TLN2: variants seen among roughly 807,000 people sequenced by gnomAD.
The protein encoded by TLN2 is talin 2, also known as talin-2.
Under a neutral mutation model 294.7 loss-of-function variants are expected in TLN2, and 118 were observed. The ratio of observed to expected loss-of-function variants is 0.40; its 90% CI spans 0.34 to 0.47. The LOEUF is 0.47. Ranked by LOEUF, TLN2 falls within the 20% of genes least tolerant of loss-of-function variation. TLN2 has a pLI of 0.84. For synonymous variants in TLN2, 1,431 were observed against 1,304.5 expected (o/e 1.10, Z -2.09); for missense variants, 3,083 against 3,282.2 (o/e 0.94, Z 1.48).
At chr15:62,838,832 A>C in intron 57 of TLN2, 24 bp from the exon 58 acceptor site, 1 of 1,606,458 alleles carries the variant, frequency 6.2e-7, no homozygotes, top group Non-Finnish European at 8.5e-7. Context: ...TAATGATATA[A>C]TGTATGTTTT....
chr15:62,553,327 T>C (rs1012743783), intron 1 of TLN2, among the ~76,000 whole-genome samples: 6 of 152,114 alleles, frequency 3.9e-5, no homozygotes, highest in Non-Finnish European at 8.8e-5. Flanking sequence ...ACACCATCTC[T>C]ACTAAAAATT....
chr15:62,695,941 GC>G (rs912538696), intron 14 of TLN2, among the ~76,000 whole-genome samples: 1 of 152,168 alleles, frequency 6.6e-6, no homozygotes, highest in African/African-American at 2.4e-5. Context: ...GATCACTGTA[GC>G]CTCCTCCACT....
chr15:62,506,134 C>CT (rs528597371), intron 1 of TLN2, among the ~76,000 whole-genome samples: 185 of 152,290 alleles, frequency 1.2e-3, no homozygotes, highest in Non-Finnish European at 2.0e-3. Context: ...TCTCTCATGT[C>CT]TTTCTTTAAA....
intron 1 of TLN2, among the ~76,000 whole-genome samples, chr15:62,511,616 G>A (rs1053858209): frequency 1.4e-5 from 2 of 142,320 alleles, no homozygotes; most frequent in South Asian, 5.2e-4. Flanking sequence ...AGCGTGAGAA[G>A]CGGAGTCCTT....
intron 11 of TLN2, among the ~76,000 whole-genome samples, chr15:62,678,481 G>A (rs1254867953): frequency 6.6e-6 from 1 of 152,176 alleles, no homozygotes; most frequent in East Asian, 1.9e-4. Context: ...CCATGATAGA[G>A]GTTCATGAGT....
At chr15:62,487,758 C>T (rs577384936) in intron 1 of TLN2, among the ~76,000 whole-genome samples, 1 of 152,086 alleles carries the variant, frequency 6.6e-6, no homozygotes, top group Non-Finnish European at 1.5e-5. Context: ...AAAAAATTAG[C>T]CGGGCATGGT....
intron 1 of TLN2, among the ~76,000 whole-genome samples, chr15:62,588,873 A>C (rs2045869587): frequency 6.6e-6 from 1 of 150,892 alleles, no homozygotes; most frequent in Non-Finnish European, 1.5e-5. Flanking sequence ...ATAAAATAAC[A>C]AACTAGCAAA....
intron 1 of TLN2, among the ~76,000 whole-genome samples, chr15:62,526,191 G>A (rs1479460066): frequency 2.6e-5 from 4 of 152,088 alleles, no homozygotes; most frequent in East Asian, 3.9e-4. Flanking sequence ...GTGAAGTGGC[G>A]CAATCTCGGC....
intron 35 of TLN2, 62 bp from the exon 36 acceptor site, chr15:62,753,711 T>C (rs2062064816): frequency 6.5e-7 from 1 of 1,535,064 alleles, no homozygotes; most frequent in African/African-American, 1.4e-5. Context: ...CGGACCATCA[T>C]CCCCAGCAGG....
chr15:62,428,632 A>G (rs889534510), intron 1 of TLN2, among the ~76,000 whole-genome samples: 18 of 152,160 alleles, frequency 1.2e-4, no homozygotes, highest in African/African-American at 4.3e-4. Context: ...ATTCTTTCCC[A>G]CAACTGAATG....
chr15:62,447,802 A>T (rs2140315243), intron 1 of TLN2, among the ~76,000 whole-genome samples: 1 of 152,254 alleles, frequency 6.6e-6, no homozygotes, highest in Non-Finnish European at 1.5e-5. Context: ...CCAGAGTTCC[A>T]TATCCCCAGA....
chr15:62,549,066 A>C (rs1209636508), intron 1 of TLN2, among the ~76,000 whole-genome samples: 2 of 152,092 alleles, frequency 1.3e-5, no homozygotes, highest in African/African-American at 4.8e-5. Flanking sequence ...TCTTATCCTC[A>C]TCTGCTTTAG....
intron 1 of TLN2, among the ~76,000 whole-genome samples, chr15:62,477,250 A>G (rs2140374422): frequency 6.6e-6 from 1 of 151,958 alleles, no homozygotes; most frequent in Middle Eastern, 3.4e-3. Context: ...TGGGCCTGAG[A>G]GTCTGCATTT....
rs140594629 is a variant in TLN2 at position 62,759,215 on chromosome 15, A to G, written c.4639-2466A>G. Among the ~76,000 whole-genome samples the G allele has an allele frequency of 6.0e-3, 907 of 152,344 alleles. 5 individuals are homozygous for G. The highest frequency in any genetic ancestry group is 0.013 in the Admixed American group (197 of 15,308). On this transcript the variant is annotated intron_variant, in intron 37 of 58. Coordinates refer to ENST00000636159, the MANE Select transcript of TLN2 (RefSeq NM_015059.3). The stretch of plus-strand genomic sequence containing the variant: ...TACTTGAGTGGCTCTGCTGTGCCCA[A>G]TGGAAGCAGAGTTCAGAAGTGAAAT...
At chr15:62,805,430 G>T (rs1202293157) in intron 50 of TLN2, among the ~76,000 whole-genome samples, 170 bp from the exon 51 acceptor site, 1 of 152,208 alleles carries the variant, frequency 6.6e-6, no homozygotes, top group Non-Finnish European at 1.5e-5. Flanking sequence ...TGAGATTCTT[G>T]AAAACAAGAA....
chr15:62,772,732 G>A (rs1199863787), intron 42 of TLN2, among the ~76,000 whole-genome samples: 6 of 151,650 alleles, frequency 4.0e-5, no homozygotes, highest in African/African-American at 9.7e-5. Context: ...GCGCGATCTC[G>A]GCTCACTGCA....
chr15:62,549,875 A>G (rs1274794022), intron 1 of TLN2, among the ~76,000 whole-genome samples: 1 of 152,294 alleles, frequency 6.6e-6, no homozygotes, highest in African/African-American at 2.4e-5. Context: ...TTTTATAGCT[A>G]AGTCTTAAAT....
chr15:62,673,419 C>T (rs1381577569), intron 9 of TLN2, among the ~76,000 whole-genome samples: 1 of 140,286 alleles, frequency 7.1e-6, no homozygotes, highest in Non-Finnish European at 1.5e-5. Context: ...TGTTTTTCGC[C>T]TCTTCCATGG....
At chr15:62,441,534 T>G (rs1171144436) in intron 1 of TLN2, among the ~76,000 whole-genome samples, 1 of 152,230 alleles carries the variant, frequency 6.6e-6, no homozygotes, top group Non-Finnish European at 1.5e-5. Context: ...CCTGACTCCA[T>G]TGTCTGTTGG....
Sources: allele counts gnomAD v4.1 joint callset (sites outside exome capture counted in the v4.1 genomes callset), GRCh38; gene constraint gnomAD v4.1.1; transcripts MANE v1.5; gene names NCBI Gene and HGNC (gene_info 2026-07-23, HGNC 2026-07-21).